The following SDK1 variants were observed in gnomAD, a reference collection of about 807,000 sequenced individuals.
SDK1 encodes sidekick cell adhesion molecule 1, also known as protein sidekick-1.
In SDK1, 157 loss-of-function variants were observed where a neutral mutation model predicts 245.5. The observed-to-expected ratio is 0.64, with a 90% CI of 0.56 to 0.73. The LOEUF (loss-of-function observed/expected upper bound fraction) is 0.73, where lower values mean the gene tolerates loss of function less well. SDK1 is among the 30% of genes least tolerant of loss of function. The probability of loss-of-function intolerance (pLI) is 0.00; values close to 1 mark genes in which losing one functional copy is unlikely to be tolerated. For missense variants in SDK1, 3,583 were observed against 3,002.3 expected, an observed-to-expected ratio of 1.19 and a Z score of -4.52; for synonymous variants, 1,647 against 1,278.5, an observed-to-expected ratio of 1.29 and a Z score of -6.15.
intron 14 of SDK1, among the ~76,000 whole-genome samples, chr7:3,998,144 G>A (rs997817883): frequency 1.3e-5 from 2 of 152,232 alleles, no homozygotes; most frequent in Admixed American, 6.5e-5. Flanking sequence ...CCATGGAATG[G>A]GAGGCCCAGG....
At chr7:3,729,027 C>G (rs1779096694) in intron 4 of SDK1, among the ~76,000 whole-genome samples, 1 of 152,168 alleles carries the variant, frequency 6.6e-6, no homozygotes, top group South Asian at 2.1e-4. Flanking sequence ...CTGACCTTAG[C>G]CTTTGCGATT....
At chr7:3,454,451 C>G (rs117683070) in intron 1 of SDK1, among the ~76,000 whole-genome samples, 7 of 141,362 alleles carry the variant, frequency 5.0e-5, no homozygotes, top group African/African-American at 1.3e-4. Flanking sequence ...CTATGCAATT[C>G]TGTTACAGGT....
intron 4 of SDK1, among the ~76,000 whole-genome samples, chr7:3,753,030 GTC>G (rs1386622705): frequency 6.6e-6 from 1 of 152,146 alleles, no homozygotes; most frequent in Non-Finnish European, 1.5e-5. Flanking sequence ...ACTACTCGGT[GTC>G]TGCCCAATCA....
rs200371814 is a variant in SDK1 at position 3,365,492 on chromosome 7, CCTTAA to C, written c.298+63613_298+63617del. Among the ~76,000 whole-genome samples, 632 of 152,196 alleles carry C rather than the reference CCTTAA, an allele frequency of 4.2e-3. 8 individuals carry two copies. In the East Asian group the frequency reaches 0.051, roughly 12 times the overall value. ...TCAAATTTAGCAGAAAAATTCTTCC[CCTTAA>C]CTTATTTCATTATATATTTCTATTC... On this transcript the variant is annotated intron_variant, in intron 1 of 44. Transcript: ENST00000404826.
intron 5 of SDK1, among the ~76,000 whole-genome samples, chr7:3,853,773 G>A (rs901701683): frequency 1.3e-5 from 2 of 152,032 alleles, no homozygotes; most frequent in Non-Finnish European, 2.9e-5. Flanking sequence ...GGCAATTCAC[G>A]AGGTCAAGAC....
Position 3,957,386 on chromosome 7 carries a change from T to A in SDK1, c.1151-1545T>A, listed in dbSNP as rs73674360. ...TTATGCTATCGTTTTTTGCAAGATG[T>A]TACCATTGCGGGAAGCCGAGTGAAG... is the stretch of plus-strand genomic sequence containing the variant. On this transcript the variant is annotated intron_variant, in intron 7 of 44. Coordinates refer to ENST00000404826, the MANE Select transcript of SDK1 (RefSeq NM_152744.4). Among the ~76,000 whole-genome samples, 775 of 152,312 alleles carry A rather than the reference T, an allele frequency of 5.1e-3. 6 individuals are homozygous for A. Among genetic ancestry groups the A allele is most frequent in the African/African-American group, 0.018 (731 of 41,552 alleles).
At chr7:4,059,069 A>C (rs1583977208) in intron 19 of SDK1, among the ~76,000 whole-genome samples, 1 of 152,230 alleles carries the variant, frequency 6.6e-6, no homozygotes, top group Admixed American at 6.5e-5. Context: ...AATTACTAGA[A>C]TAAGCCCTGA....
intron 8 of SDK1, 41 bp from the exon 9 acceptor site, chr7:3,962,616 G>T (rs770396564): frequency 5.3e-6 from 8 of 1,496,110 alleles, no homozygotes; most frequent in South Asian, 1.3e-5. Context: ...CTCACGTCAG[G>T]AATTATTTTT....
chr7:3,901,502 T>A (rs1781789297), intron 5 of SDK1, among the ~76,000 whole-genome samples: 1 of 152,224 alleles, frequency 6.6e-6, no homozygotes, highest in African/African-American at 2.4e-5. Context: ...CCCCATGTCC[T>A]TGTCAGTGCA....
intron 5 of SDK1, among the ~76,000 whole-genome samples, chr7:3,888,738 A>G (rs763899323): frequency 1.3e-5 from 2 of 152,244 alleles, no homozygotes; most frequent in Non-Finnish European, 2.9e-5. Context: ...GGTACAAAAA[A>G]TCCTGGGAGA....
intron 17 of SDK1, among the ~76,000 whole-genome samples, chr7:4,043,323 C>T (rs944864828): frequency 7.5e-6 from 1 of 132,640 alleles, no homozygotes; most frequent in Admixed American, 7.9e-5. Flanking sequence ...GAGTCACAGC[C>T]GGGGGCCCAG....
chr7:4,071,064 C>A (rs186446372), intron 20 of SDK1, among the ~76,000 whole-genome samples: 1 of 151,910 alleles, frequency 6.6e-6, no homozygotes, highest in African/African-American at 2.4e-5. Context: ...GTCTCTCTGT[C>A]ACCCAGGTTG....
rs370912375 is a variant in SDK1, at chr7:3,700,143, A to C, written c.713+58038A>C. Among the ~76,000 whole-genome samples, 12 of 152,332 alleles carry C rather than the reference A, an allele frequency of 7.9e-5. 2 individuals carry two copies. Among genetic ancestry groups the C allele is most frequent in the African/African-American group, 2.9e-4 (12 of 41,580 alleles). On this transcript the variant is annotated intron_variant, in intron 4 of 44. Transcript: ENST00000404826. ...ATGAAGGGGAAATTCAGACATTCTC[A>C]AATGAAGGGAAAACTAAAGGAATGT...
intron 38 of SDK1, among the ~76,000 whole-genome samples, chr7:4,215,173 A>T (rs561823369): frequency 1.3e-5 from 2 of 152,322 alleles, no homozygotes; most frequent in Admixed American, 1.3e-4. Flanking sequence ...ACGTCAAAAG[A>T]AGAACGTGGA....
intron 4 of SDK1, among the ~76,000 whole-genome samples, chr7:3,685,665 A>G (rs538403426): frequency 6.6e-6 from 1 of 152,306 alleles, no homozygotes; most frequent in African/African-American, 2.4e-5. Context: ...ACATTTTAGA[A>G]GTAGAAAAGG....
At chr7:3,525,152 C>T (rs1444606997) in intron 1 of SDK1, among the ~76,000 whole-genome samples, 1 of 151,750 alleles carries the variant, frequency 6.6e-6, no homozygotes, top group African/African-American at 2.4e-5. Flanking sequence ...AATACTATGC[C>T]ATTTCCTATC....
chr7:4,021,156 G>A (rs1786860404), intron 17 of SDK1, among the ~76,000 whole-genome samples: 4 of 152,188 alleles, frequency 2.6e-5, no homozygotes, highest in Admixed American at 2.6e-4. Context: ...GATATCTGGT[G>A]TGTCATCATC....
chr7:3,939,980 G>C (rs1426125898), intron 5 of SDK1, among the ~76,000 whole-genome samples: 4 of 152,270 alleles, frequency 2.6e-5, no homozygotes, highest in African/African-American at 7.2e-5. Context: ...AGTGCACCTT[G>C]AGACGCGTAG....
At chr7:3,742,734 G>T (rs1779511586) in intron 4 of SDK1, among the ~76,000 whole-genome samples, 1 of 152,090 alleles carries the variant, frequency 6.6e-6, no homozygotes, top group South Asian at 2.1e-4. Context: ...CTGTTTGTCT[G>T]CCTGTTGTCA....
Sources: allele counts gnomAD v4.1 joint callset (sites outside exome capture counted in the v4.1 genomes callset), GRCh38; gene constraint gnomAD v4.1.1; transcripts MANE v1.5; gene names NCBI Gene and HGNC (gene_info 2026-07-23, HGNC 2026-07-21).